EPB41L1: variants seen among roughly 807,000 people sequenced by gnomAD.
EPB41L1 encodes the protein band 4.1-like protein 1.
In EPB41L1, 29 loss-of-function variants were observed where a neutral mutation model predicts 97.8. The observed-to-expected ratio is 0.30, with a 90% CI of 0.22 to 0.40. The LOEUF (loss-of-function observed/expected upper bound fraction) is 0.40, where lower values mean the gene tolerates loss of function less well. EPB41L1 is among the 10% of genes least tolerant of loss of function. The pLI is 1.00. For missense variants in EPB41L1, 812 were observed against 1,162.3 expected (o/e 0.70, Z 4.38); for synonymous variants, 383 against 459.2 (o/e 0.83, Z 2.12).
At chr20:36,117,144 T>A (rs2058610871) in intron 2 of EPB41L1, among the ~76,000 whole-genome samples, 2 of 152,172 alleles carry the variant, frequency 1.3e-5, no homozygotes, top group African/African-American at 4.8e-5. Flanking sequence ...CCTCCTCCTG[T>A]GGCAGTGGCT....
chr20:36,168,364 C>T (rs2060826176), intron 1 of EPB41L1, among the ~76,000 whole-genome samples: 1 of 152,180 alleles, frequency 6.6e-6, no homozygotes, highest in Non-Finnish European at 1.5e-5. Flanking sequence ...TGTCATCAGT[C>T]TGGCCCTGCT....
At chr20:36,221,443 A>G (rs1016208175) in intron 19 of EPB41L1, among the ~76,000 whole-genome samples, 3 of 152,214 alleles carry the variant, frequency 2.0e-5, no homozygotes, top group Non-Finnish European at 4.4e-5. Context: ...ATAGAGATGA[A>G]CAAAATACAG....
chr20:36,153,303 C>G (rs2060132517), upstream of EPB41L1, among the ~76,000 whole-genome samples: 1 of 151,710 alleles, frequency 6.6e-6, no homozygotes, highest in African/African-American at 2.4e-5. Flanking sequence ...GTGCCTGGCT[C>G]TATAGTGTGT....
At chr20:36,224,592 G>A (rs1185656497) in intron 21 of EPB41L1, among the ~76,000 whole-genome samples, 1 of 152,206 alleles carries the variant, frequency 6.6e-6, no homozygotes, top group Non-Finnish European at 1.5e-5. Context: ...GTTGCAGTGA[G>A]CTGAGATGGC....
At chr20:36,168,966 G>A (rs184996643) in intron 1 of EPB41L1, among the ~76,000 whole-genome samples, 123 of 151,844 alleles carry the variant, frequency 8.1e-4, no homozygotes, top group Admixed American at 2.9e-3. Context: ...GGTGGCTCAC[G>A]CCTGTAATCC....
chr20:36,214,868 G>C (rs529111942), intron 17 of EPB41L1, among the ~76,000 whole-genome samples: 1 of 152,100 alleles, frequency 6.6e-6, no homozygotes, highest in East Asian at 1.9e-4. Flanking sequence ...GCCTTGGTCA[G>C]TAGATGGCGT....
Position 36,209,489 on chromosome 20 carries a change from G to C in EPB41L1, c.1670G>C (p.Arg557Thr), listed in dbSNP as rs2063010677. 2 of 1,613,834 alleles carry C rather than the reference G, an allele frequency of 1.2e-6. No individual in the cohort carries two copies. The highest frequency in any genetic ancestry group is 1.7e-6 in the Non-Finnish European group (2 of 1,179,930). The change falls in exon 15 of 22, where the codon AGA (arginine) becomes ACA (threonine). Residue 557 changes from arginine (R) to threonine (T), a missense_variant and splice_region_variant. Arg to Thr is a moderately conservative substitution (Grantham distance 71). Coordinates refer to ENST00000338074, the MANE Select transcript of EPB41L1 (RefSeq NM_012156.2). The surrounding 1 kb of genome is among the most constrained non-coding windows in gnomAD (Gnocchi z 4.2). ...PKGTPEKANE[R>T]AGLREGSEEK... ...TCTTTTGATTTTATCTGGCCATAGA[G>C]AGCAGGGCTGAGGGAGGGCTCCGAG... is the stretch of plus-strand genomic sequence containing the variant.
At chr20:36,196,717 TTTAATAA>T (rs1400894376) in intron 13 of EPB41L1, among the ~76,000 whole-genome samples, 1 of 152,236 alleles carries the variant, frequency 6.6e-6, no homozygotes, top group African/African-American at 2.4e-5. Context: ...CTGATCTGAC[TTTAATAA>T]GCTGAGATTG....
Position 36,212,892 on chromosome 20 carries a change from C to G in EPB41L1, c.2184+516C>G, listed in dbSNP as rs950352306. ...AAGAAGAAAACCGAAGATCATGTGT[C>G]TTGACAAGAAGCAGCATCCTGACCA... On this transcript the variant is annotated intron_variant, in intron 16 of 21. Coordinates refer to ENST00000338074, the MANE Select transcript of EPB41L1 (RefSeq NM_012156.2). The surrounding 1 kb of genome is among the most constrained non-coding windows in gnomAD (Gnocchi z 4.8). Among the ~76,000 whole-genome samples the G allele has an allele frequency of 6.6e-6, 1 of 152,194 alleles. No individual in the cohort carries two copies. The highest frequency in any genetic ancestry group is 1.5e-5 in the Non-Finnish European group (1 of 68,040).
intron 1 of EPB41L1, among the ~76,000 whole-genome samples, chr20:36,104,631 G>A (rs139851896): frequency 6.6e-4 from 100 of 152,214 alleles, no homozygotes; most frequent in Admixed American, 5.2e-3. Context: ...CTTCAGTTCC[G>A]GGCTTCTGCA....
intron 2 of EPB41L1, among the ~76,000 whole-genome samples, chr20:36,133,762 CG>C (rs2059310906): frequency 6.7e-6 from 1 of 150,022 alleles, no homozygotes; most frequent in Non-Finnish European, 1.5e-5. Context: ...GAGGCTGAGG[CG>C]GGAGGATCGC....
rs771821656 is a variant in EPB41L1 at position 36,232,736 on chromosome 20, C to T, written c.*3396C>T. 28 of 397,816 alleles carry T rather than the reference C, an allele frequency of 7.0e-5. No homozygotes were observed. Among genetic ancestry groups the T allele is most frequent in the Admixed American group, 1.8e-4 (4 of 22,586 alleles). The allele number at this position is 397,816 out of a possible 1,614,324, so 24.6% of individuals were successfully genotyped here. ...CCACCTCAGTGCTCCGTGCTGTATG[C>T]GTGTGCTCTCTGTTCTTGTATACTC... On this transcript the variant is annotated 3_prime_UTR_variant, in exon 22 of 22. Transcript: ENST00000338074.
At chr20:36,110,580 T>TAC (rs150633888) in intron 1 of EPB41L1, 3 of 148,502 alleles carry the variant, frequency 2.0e-5, no homozygotes, top group Non-Finnish European at 2.9e-5. Context: ...TTGCATTTGT[T>TAC]ACACACACAC....
chr20:36,120,813 G>A (rs2590983), intron 2 of EPB41L1, among the ~76,000 whole-genome samples: 7,787 of 152,088 alleles, frequency 0.051, 655 homozygotes, highest in African/African-American at 0.18. Flanking sequence ...ACATGCTATG[G>A]TCTGGATGTT....
At chr20:36,135,042 T>G (rs1373546654) in intron 2 of EPB41L1, among the ~76,000 whole-genome samples, 2 of 151,838 alleles carry the variant, frequency 1.3e-5, no homozygotes, top group African/African-American at 4.8e-5. Flanking sequence ...TTTTGTATTT[T>G]TAGTAGAGAC....
At chr20:36,163,717 C>CA (rs750490586) in intron 1 of EPB41L1, among the ~76,000 whole-genome samples, 10 of 152,136 alleles carry the variant, frequency 6.6e-5, no homozygotes, top group Non-Finnish European at 1.5e-4. Context: ...AGTGGTGTTA[C>CA]CTGAGTTCCG....
intron 21 of EPB41L1, among the ~76,000 whole-genome samples, 182 bp downstream of exon 21, chr20:36,222,576 G>A (rs1481480065): frequency 1.3e-5 from 2 of 152,180 alleles, no homozygotes; most frequent in Non-Finnish European, 2.9e-5. Context: ...ATACAAGTCG[G>A]TGGGGAGAAG....
At chr20:36,199,818 A>G (rs1041882060) in intron 14 of EPB41L1, among the ~76,000 whole-genome samples, 1 of 152,148 alleles carries the variant, frequency 6.6e-6, no homozygotes, top group African/African-American at 2.4e-5. Flanking sequence ...GAGGCTACTG[A>G]AAGAGTGAGT....
chr20:36,208,262 T>C (rs557531650), intron 14 of EPB41L1: 3 of 385,878 alleles, frequency 7.8e-6, no homozygotes, highest in South Asian at 5.6e-5. Flanking sequence ...GCCAAGTTTC[T>C]TTCTGCCTCC....
Sources: allele counts gnomAD v4.1 joint callset (sites outside exome capture counted in the v4.1 genomes callset), GRCh38; gene constraint gnomAD v4.1.1; non-coding constraint Gnocchi (gnomAD v3.1); transcripts MANE v1.5; gene names NCBI Gene and HGNC (gene_info 2026-07-23, HGNC 2026-07-21).